GRID2: variants seen among roughly 807,000 people sequenced by gnomAD.
The protein encoded by GRID2 is glutamate ionotropic receptor delta type subunit 2.
In GRID2, 33 loss-of-function variants were observed where a neutral mutation model predicts 114.8. That is an observed-to-expected ratio of 0.29 (90% CI 0.22 to 0.38). GRID2 has a LOEUF of 0.38. GRID2 is among the 10% of genes least tolerant of loss of function. The pLI is 1.00. For missense variants in GRID2, 1,184 were observed against 1,257.7 expected (o/e 0.94, Z 0.89); for synonymous variants, 505 against 449.9 (o/e 1.12, Z -1.55).
At chr4:93,088,902 G>A (rs1429818164) in intron 3 of GRID2, among the ~76,000 whole-genome samples, 1 of 152,040 alleles carries the variant, frequency 6.6e-6, no homozygotes, top group Non-Finnish European at 1.5e-5. Flanking sequence ...TCATTTATCA[G>A]TATAAAGGGG....
chr4:93,315,466 C>A (rs1185825149), intron 8 of GRID2, among the ~76,000 whole-genome samples: 1 of 152,096 alleles, frequency 6.6e-6, no homozygotes, highest in Non-Finnish European at 1.5e-5. Flanking sequence ...CCTCCTAATT[C>A]TTCTTTAATC....
At chr4:92,441,730 G>A (rs1423080088) in intron 1 of GRID2, among the ~76,000 whole-genome samples, 1 of 152,002 alleles carries the variant, frequency 6.6e-6, no homozygotes, top group Non-Finnish European at 1.5e-5. Flanking sequence ...GTGGGGTAAG[G>A]GTGATTAGGT....
chr4:92,699,288 A>G (rs1041094876), intron 2 of GRID2, among the ~76,000 whole-genome samples: 9 of 152,272 alleles, frequency 5.9e-5, no homozygotes, highest in Admixed American at 2.6e-4. Context: ...TAAACTGATA[A>G]TGCTATAATG....
chr4:92,407,947 A>G (rs1430395898), intron 1 of GRID2, among the ~76,000 whole-genome samples: 4 of 152,016 alleles, frequency 2.6e-5, no homozygotes, highest in Non-Finnish European at 5.9e-5. Context: ...GTTGGATCCT[A>G]CTTGTCAATT....
intron 2 of GRID2, among the ~76,000 whole-genome samples, chr4:93,015,969 A>G (rs914691449): frequency 6.6e-6 from 1 of 152,126 alleles, no homozygotes; most frequent in African/African-American, 2.4e-5. Flanking sequence ...AGTTGGATGA[A>G]TTATCACAAT....
At chr4:92,593,939 AC>A (rs924821000) in intron 2 of GRID2, among the ~76,000 whole-genome samples, 12 of 151,128 alleles carry the variant, frequency 7.9e-5, no homozygotes, top group Middle Eastern at 6.9e-3. Flanking sequence ...GAAAAAAAAA[AC>A]GTATATGGGT....
intron 4 of GRID2, among the ~76,000 whole-genome samples, chr4:93,148,651 GTAA>G (rs1345108373): frequency 6.6e-6 from 1 of 151,968 alleles, no homozygotes; most frequent in East Asian, 1.9e-4. Context: ...GTTTATTCAC[GTAA>G]TAATAACATG....
intron 11 of GRID2, among the ~76,000 whole-genome samples, chr4:93,463,339 C>T (rs936977757): frequency 2.0e-5 from 3 of 152,160 alleles, no homozygotes; most frequent in Middle Eastern, 3.2e-3. Flanking sequence ...CTGTGATGAA[C>T]TCCTAAGCAA....
At chr4:92,906,459 A>G (rs2149486182) in intron 2 of GRID2, among the ~76,000 whole-genome samples, 1 of 130,998 alleles carries the variant, frequency 7.6e-6, no homozygotes, top group Admixed American at 7.9e-5. Context: ...CTTTGGTGGA[A>G]GCAGCTTTCA....
At chr4:92,899,657 C>G (rs148774919) in intron 2 of GRID2, among the ~76,000 whole-genome samples, 1 of 151,956 alleles carries the variant, frequency 6.6e-6, no homozygotes, top group African/African-American at 2.4e-5. Flanking sequence ...GATCTTCAGA[C>G]CAAAAAATAA....
At chr4:92,990,311 G>A (rs989152739) in intron 2 of GRID2, among the ~76,000 whole-genome samples, 45 of 145,570 alleles carry the variant, frequency 3.1e-4, no homozygotes, top group Middle Eastern at 3.6e-3. Context: ...ATATATGTGT[G>A]TGTGTGTGTG....
chr4:92,772,437 G>A (rs981406389), intron 2 of GRID2, among the ~76,000 whole-genome samples: 1 of 151,992 alleles, frequency 6.6e-6, no homozygotes, highest in East Asian at 1.9e-4. Context: ...TCAATAGTGA[G>A]ACTTTTACCT....
chr4:92,399,204 G>T (rs549707955), intron 1 of GRID2, among the ~76,000 whole-genome samples: 16 of 152,086 alleles, frequency 1.1e-4, no homozygotes, highest in Non-Finnish European at 2.2e-4. Context: ...CGTAATACAG[G>T]CCACCGTTTT....
chr4:93,352,260 A>G (rs1231744538), intron 8 of GRID2, among the ~76,000 whole-genome samples: 1 of 152,024 alleles, frequency 6.6e-6, no homozygotes, highest in Admixed American at 6.6e-5. Flanking sequence ...AACTATATTC[A>G]AATATTAACT....
chr4:93,705,920 C>T (rs1216923736), intron 14 of GRID2, among the ~76,000 whole-genome samples: 1 of 152,086 alleles, frequency 6.6e-6, no homozygotes, highest in East Asian at 1.9e-4. Context: ...TTCCCAGCAC[C>T]ATTTATTGAA....
At chr4:92,644,169 A>G (rs984507900) in intron 2 of GRID2, among the ~76,000 whole-genome samples, 1 of 151,710 alleles carries the variant, frequency 6.6e-6, no homozygotes, top group African/African-American at 2.4e-5. Flanking sequence ...CATCTTTTTC[A>G]TTGAAAAAAG....
At chr4:92,371,915 A>G (rs2110219720) in intron 1 of GRID2, among the ~76,000 whole-genome samples, 1 of 152,328 alleles carries the variant, frequency 6.6e-6, no homozygotes, top group African/African-American at 2.4e-5. Context: ...GAAGATCAAA[A>G]TATCCACATT....
chr4:93,143,267 T>G (rs1376863589), intron 4 of GRID2, among the ~76,000 whole-genome samples: 1 of 152,248 alleles, frequency 6.6e-6, no homozygotes, highest in African/African-American at 2.4e-5. Flanking sequence ...TAGATTAAAT[T>G]ATTTTGCATT....
At chr4:92,723,600 G>A (rs1735916775) in intron 2 of GRID2, among the ~76,000 whole-genome samples, 1 of 152,050 alleles carries the variant, frequency 6.6e-6, no homozygotes, top group South Asian at 2.1e-4. Flanking sequence ...TGAGGCATTA[G>A]GTAGTTACTT....
Sources: allele counts gnomAD v4.1 joint callset (sites outside exome capture counted in the v4.1 genomes callset), GRCh38; gene constraint gnomAD v4.1.1; transcripts MANE v1.5; gene names NCBI Gene and HGNC (gene_info 2026-07-23, HGNC 2026-07-21).